PRSS12: variants seen among roughly 807,000 people sequenced by gnomAD.
PRSS12 encodes serine protease 12, also known as neurotrypsin.
A neutral mutation model predicts 104.4 loss-of-function variants in PRSS12; 85 were observed. That is an observed-to-expected ratio of 0.81 (90% CI 0.68 to 0.98). The LOEUF (loss-of-function observed/expected upper bound fraction) is 0.98. PRSS12 is among the 50% of genes least tolerant of loss of function. PRSS12 has a pLI of 0.00. For synonymous variants in PRSS12, 454 were observed against 425.2 expected (o/e 1.07, Z -0.83); for missense variants, 1,141 against 1,139.2 (o/e 1.00, Z -0.02).
intron 6 of PRSS12, among the ~76,000 whole-genome samples, chr4:118,315,096 G>T (rs1269907003): frequency 6.6e-6 from 1 of 152,026 alleles, no homozygotes; most frequent in Admixed American, 6.6e-5. Context: ...TATGAATATT[G>T]TGTTTTCATG....
chr4:118,315,767 C>T (rs553163055), intron 6 of PRSS12, among the ~76,000 whole-genome samples: 1 of 152,334 alleles, frequency 6.6e-6, no homozygotes, highest in South Asian at 2.1e-4. Flanking sequence ...TAATTATCAT[C>T]ACATTCTGAG....
At position 118,335,418 on chromosome 4, in the gene PRSS12, A is replaced by C. The variant is rs527372406; in HGVS notation, c.820+55T>G. Reference sequence around the variant, plus strand: ...AACTAAGACACTTTCATCATCTGGAATCACGTTTAAAACATAATGAAAGTA... The same window carrying C: ...AACTAAGACACTTTCATCATCTGGACTCACGTTTAAAACATAATGAAAGTA... On this transcript the variant is annotated intron_variant, in intron 3 of 12. Coordinates refer to ENST00000296498, the MANE Select transcript of PRSS12 (RefSeq NM_003619.4). The C allele has an allele frequency of 1.5e-4, 232 of 1,588,544 alleles. 1 individual carries two copies. In the African/African-American group the frequency reaches 2.9e-3, roughly 20 times the overall value.
intron 4 of PRSS12, among the ~76,000 whole-genome samples, chr4:118,319,443 C>A (rs1183068581): frequency 6.6e-6 from 1 of 152,070 alleles, no homozygotes; most frequent in Non-Finnish European, 1.5e-5. Context: ...CTCCTGACTG[C>A]AAGGATGGCT....
At chr4:118,323,814 T>G (rs528288144) in intron 4 of PRSS12, among the ~76,000 whole-genome samples, 1 of 151,904 alleles carries the variant, frequency 6.6e-6, no homozygotes, top group South Asian at 2.1e-4. Context: ...TTTTTATATA[T>G]ATATATACAC....
At chr4:118,339,663 A>G (rs1724150819) in intron 1 of PRSS12, among the ~76,000 whole-genome samples, 2 of 152,228 alleles carry the variant, frequency 1.3e-5, no homozygotes, top group Non-Finnish European at 2.9e-5. Context: ...ACTCATTCAT[A>G]TATTCTAAAC....
intron 7 of PRSS12, among the ~76,000 whole-genome samples, chr4:118,310,410 A>G (rs1255509357): frequency 6.6e-6 from 1 of 152,200 alleles, no homozygotes; most frequent in African/African-American, 2.4e-5. Flanking sequence ...TAATGCATAC[A>G]ATATTTCTGA....
chr4:118,310,224 T>A (rs1743672797), intron 7 of PRSS12, among the ~76,000 whole-genome samples: 1 of 152,230 alleles, frequency 6.6e-6, no homozygotes, highest in Non-Finnish European at 1.5e-5. Context: ...AATTCTTTTA[T>A]TAAAGTTTTC....
At chr4:118,347,670 T>C (rs1724392056) in intron 1 of PRSS12, among the ~76,000 whole-genome samples, 1 of 152,148 alleles carries the variant, frequency 6.6e-6, no homozygotes. Context: ...GTTATTGCAA[T>C]CTATCGTGTT....
chr4:118,317,871 T>C (rs1436060972), intron 5 of PRSS12, among the ~76,000 whole-genome samples: 4 of 152,240 alleles, frequency 2.6e-5, no homozygotes, highest in Non-Finnish European at 5.9e-5. Context: ...CAGTTTGTAC[T>C]CACATATGCC....
Position 118,308,430 on chromosome 4 carries a change from C to T in PRSS12, c.1631+6G>A, listed in dbSNP as rs781667807. 1.8e-5 allele frequency: 29 copies of T among 1,613,830 alleles called. No individual in the cohort carries two copies. The highest frequency in any genetic ancestry group is 2.5e-5 in the Non-Finnish European group (29 of 1,179,924). The stretch of plus-strand genomic sequence containing the variant: ...TAACCATCCCAAATAATTAGGTTTT[C>T]CTTACTTGTAGCCAAGCTGACGACA... On this transcript the variant is annotated splice_donor_region_variant and intron_variant, in intron 8 of 12. Transcript: ENST00000296498.
At chr4:118,322,596 A>G (rs1186550093) in intron 4 of PRSS12, among the ~76,000 whole-genome samples, 1 of 149,916 alleles carries the variant, frequency 6.7e-6, no homozygotes. Flanking sequence ...GAACAGTTTA[A>G]CACTCACAGA....
chr4:118,328,277 A>G (rs558544913), intron 4 of PRSS12, among the ~76,000 whole-genome samples: 35 of 152,360 alleles, frequency 2.3e-4, no homozygotes, highest in African/African-American at 8.4e-4. Context: ...TAATAAAAAC[A>G]AATCTCTATA....
In PRSS12 at chr4:118,281,979, A is replaced by G. The variant is rs1742872978; in HGVS notation, c.2585T>C (p.Val862Ala). The G allele has an allele frequency of 6.6e-6, 10 of 1,507,912 alleles. No individual in the cohort carries two copies. The highest frequency in any genetic ancestry group is 9.2e-6 in the Non-Finnish European group (10 of 1,082,984). The allele number at this position is 1,507,912 out of a possible 1,614,324, so 93.4% of individuals were successfully genotyped here. Reference sequence around the variant, plus strand: ...TTTTATCCAAGGTACAAAGGCTGAGACTTTGGTATAAACACCAGGAGAATC... The same window carrying G: ...TTTTATCCAAGGTACAAAGGCTGAGGCTTTGGTATAAACACCAGGAGAATC... ...VKDSPGVYTKVSAFVPWIKSV... is the reference protein window; with the variant it reads ...VKDSPGVYTKASAFVPWIKSV... The change falls in exon 13 of 13, where the codon GTC becomes GCC. Residue 862 changes from valine to alanine, a missense_variant. Val to Ala is a moderately conservative substitution (Grantham distance 64). Coordinates refer to ENST00000296498, the MANE Select transcript of PRSS12 (RefSeq NM_003619.4).
chr4:118,324,240 A>T (rs1723708737), intron 4 of PRSS12, among the ~76,000 whole-genome samples: 1 of 152,072 alleles, frequency 6.6e-6, no homozygotes, highest in Non-Finnish European at 1.5e-5. Context: ...GGATCCAACT[A>T]TGCACAGAAG....
rs763158980 is a variant in PRSS12 at position 118,316,208 on chromosome 4, G to A, written c.1266C>T (p.Tyr422=). 5.8e-5 allele frequency: 93 copies of A among 1,613,838 alleles called. No homozygotes were observed. The highest frequency in any genetic ancestry group is 7.2e-5 in the Non-Finnish European group (85 of 1,179,986). The change falls in exon 6 of 13, where the codon TAC becomes TAT. Residue 422 remains tyrosine (Y), a synonymous_variant. Coordinates refer to ENST00000296498, the MANE Select transcript of PRSS12 (RefSeq NM_003619.4). ...TAAATCCCAATTGTCGACAAACCAC[G>A]TATGTATTCAGCTCAGTCCAGCCAT... ...CDDGWTELNT[Y]VVCRQLGFKY...
At chr4:118,346,930 T>C (rs1314146741) in intron 1 of PRSS12, among the ~76,000 whole-genome samples, 1 of 152,292 alleles carries the variant, frequency 6.6e-6, no homozygotes, top group Middle Eastern at 3.4e-3. Context: ...TGGGGACTGG[T>C]GTCTTAACAC....
At chr4:118,287,127 G>T (rs1360640711) in intron 11 of PRSS12, among the ~76,000 whole-genome samples, 3 of 151,958 alleles carry the variant, frequency 2.0e-5, no homozygotes, top group Non-Finnish European at 4.4e-5. Context: ...TGTATATATG[G>T]AATACACACA....
intron 7 of PRSS12, 66 bp downstream of exon 7, chr4:118,313,135 G>A: frequency 6.4e-7 from 1 of 1,568,154 alleles, no homozygotes; most frequent in South Asian, 1.1e-5. Flanking sequence ...TCATATTCAA[G>A]GCCAGTGGTT....
intron 1 of PRSS12, among the ~76,000 whole-genome samples, chr4:118,350,528 C>A (rs2126047290): frequency 6.6e-6 from 1 of 152,296 alleles, no homozygotes; most frequent in South Asian, 2.1e-4. Context: ...TATCTCCCAT[C>A]TTGAGTGGTT....
Sources: gnomAD v4.1 joint callset for allele counts (sites outside exome capture counted in the v4.1 genomes callset) on GRCh38, gnomAD v4.1.1 for gene constraint, MANE v1.5 for transcripts, NCBI Gene and HGNC (gene_info 2026-07-23, HGNC 2026-07-21) for gene names.